ZWILCH: variants seen among roughly 807,000 people sequenced by gnomAD.
ZWILCH encodes the protein protein zwilch homolog.
In ZWILCH, 74 loss-of-function variants were observed where a neutral mutation model predicts 79.9. The ratio of observed to expected loss-of-function variants is 0.93; its 90% confidence interval spans 0.77 to 1.12. The LOEUF is 1.12. ZWILCH is among the 50% of genes most tolerant of loss of function. The probability of loss-of-function intolerance (pLI) is 0.00; values close to 1 mark genes in which losing one functional copy is unlikely to be tolerated. For missense variants in ZWILCH, 694 were observed against 687.5 expected (o/e 1.01, Z -0.11); for synonymous variants, 241 against 228.2 (o/e 1.06, Z -0.51).
In ZWILCH at chr15:66,547,587, A is replaced by T. The variant is rs1277564377; in HGVS notation, c.*27-764A>T. On this transcript the variant is annotated intron_variant, in intron 18 of 18. Coordinates refer to ENST00000307897, the MANE Select transcript of ZWILCH (RefSeq NM_017975.5). ...AAGACGATATTGAGTTACCTAGAAGATAAATAAAAAATAAACATGTAATAT... is the reference window on the plus strand; with the variant it reads ...AAGACGATATTGAGTTACCTAGAAGTTAAATAAAAAATAAACATGTAATAT... 4 of 152,198 alleles carry T rather than the reference A, an allele frequency of 2.6e-5. No homozygotes were observed. The South Asian group carries it at 8.3e-4, about 32-fold the overall frequency. 9.4% of individuals were successfully genotyped at this position (152,198 alleles called of 1,614,324 possible). A position where few individuals can be genotyped will look rare whatever the true frequency, so the allele number is the denominator to read the frequency against.
At chr15:66,510,138 A>C (rs1426593489) in intron 2 of ZWILCH, among the ~76,000 whole-genome samples, 1 of 150,170 alleles carries the variant, frequency 6.7e-6, no homozygotes, top group Non-Finnish European at 1.5e-5. Context: ...AAATTAAGCC[A>C]TTGTACTCCA....
At chr15:66,539,158 G>A (rs569442971) in intron 16 of ZWILCH, among the ~76,000 whole-genome samples, 11 of 151,986 alleles carry the variant, frequency 7.2e-5, no homozygotes, top group African/African-American at 2.7e-4. Context: ...AAACAAAAAC[G>A]TAGTGCTTAT....
Position 66,513,701 on chromosome 15 carries a change from AG to A in ZWILCH, c.106-286del, listed in dbSNP as rs532491382. 2.2e-3 allele frequency among the ~76,000 whole-genome samples: 337 copies of A among 151,972 alleles called. 2 individuals are homozygous for A. Among genetic ancestry groups the A allele is most frequent in the African/African-American group, 8.0e-3 (332 of 41,482 alleles). On this transcript the variant is annotated intron_variant, in intron 2 of 18. Coordinates refer to ENST00000307897, the MANE Select transcript of ZWILCH (RefSeq NM_017975.5). ...ATTCTCCTGCCTCAGCCTCCTGAGC[AG>A]CTGGGACTACAGGCGCCCGCCACCA...
chr15:66,523,054 C>G (rs1436093572), intron 7 of ZWILCH, among the ~76,000 whole-genome samples: 1 of 152,216 alleles, frequency 6.6e-6, no homozygotes, highest in Admixed American at 6.5e-5. Flanking sequence ...AACTTCTGAC[C>G]TCAACTGATT....
intron 9 of ZWILCH, 58 bp from the exon 10 acceptor site, chr15:66,527,799 T>A: frequency 6.9e-7 from 1 of 1,446,704 alleles, no homozygotes. Flanking sequence ...AGGATTAGGA[T>A]GGAAATAATT....
Position 66,527,345 on chromosome 15 carries a change from CA to C in ZWILCH, c.879del (p.Lys293AsnfsTer11). On this transcript the variant is annotated frameshift_variant, in exon 9 of 19. Transcript: ENST00000307897. LOFTEE classifies it high-confidence loss of function. Reference protein sequence around the residue: ...GVTEWLEPLEAKSAVELVQEF... With the variant: ...GVTEWLEPLEXKSAVELVQEF... ...ACTGAATGGCTCGAGCCCCTGGAAGCAAAATCTGCTGTTGAACTTGTTCAGG... is the reference window on the plus strand; with the variant it reads ...ACTGAATGGCTCGAGCCCCTGGAAGCAAATCTGCTGTTGAACTTGTTCAGG... 1 of 1,614,032 alleles carries C rather than the reference CA, an allele frequency of 6.2e-7. No homozygotes were observed. Among genetic ancestry groups the C allele is most frequent in the Admixed American group, 1.7e-5 (1 of 60,012 alleles).
chr15:66,509,868 TATCTCTTAAAAATCA>T (rs1266409594), intron 2 of ZWILCH, among the ~76,000 whole-genome samples: 31 of 87,534 alleles, frequency 3.5e-4, no homozygotes, highest in African/African-American at 1.0e-3. Context: ...TATATATATA[TATCTCTTAAAAATCA>T]ATGAGGAAGA....
At chr15:66,530,058 A>G (rs1894812074) in intron 12 of ZWILCH, among the ~76,000 whole-genome samples, 1 of 152,220 alleles carries the variant, frequency 6.6e-6, no homozygotes, top group Non-Finnish European at 1.5e-5. Flanking sequence ...GACTTTATGT[A>G]TCAGAATAGT....
At chr15:66,517,455 T>TATATATATAGAG (rs1180456312) in intron 4 of ZWILCH, among the ~76,000 whole-genome samples, 2 of 115,222 alleles carry the variant, frequency 1.7e-5, no homozygotes, top group East Asian at 2.5e-4. Context: ...TATATATATA[T>TATATATATAGAG]AGTAATGTAC....
At chr15:66,548,286 T>C (rs1461063004) in intron 18 of ZWILCH, 65 bp from the exon 19 acceptor site, 1 of 376,500 alleles carries the variant, frequency 2.7e-6, no homozygotes, top group Admixed American at 4.0e-5. Context: ...TTAGGAGGGG[T>C]GAGATTACAA....
intron 16 of ZWILCH, among the ~76,000 whole-genome samples, chr15:66,538,740 A>G (rs180827939): frequency 5.3e-5 from 8 of 152,202 alleles, no homozygotes; most frequent in African/African-American, 1.4e-4. Context: ...TCTTGAACCT[A>G]TCTCCTTATT....
chr15:66,539,726 C>T (rs370452522), intron 16 of ZWILCH, among the ~76,000 whole-genome samples: 1 of 152,302 alleles, frequency 6.6e-6, no homozygotes, highest in African/African-American at 2.4e-5. Flanking sequence ...GCATACTCAA[C>T]ATTTCATTCC....
chr15:66,520,811 A>G, intron 6 of ZWILCH, 151 bp downstream of exon 6: 2 of 720,636 alleles, frequency 2.8e-6, no homozygotes, highest in Non-Finnish European at 4.6e-6. Context: ...GCTAATGACC[A>G]AAATTAAAAT....
intron 12 of ZWILCH, among the ~76,000 whole-genome samples, chr15:66,531,210 T>G (rs1894840995): frequency 1.3e-5 from 2 of 152,334 alleles, no homozygotes; most frequent in African/African-American, 4.8e-5. Flanking sequence ...GAGTTCCTTA[T>G]GAACATGCAT....
intron 2 of ZWILCH, among the ~76,000 whole-genome samples, chr15:66,513,720 C>G (rs1237508110): frequency 2.0e-5 from 3 of 151,852 alleles, no homozygotes; most frequent in Non-Finnish European, 4.4e-5. Flanking sequence ...TACAGGCGCC[C>G]GCCACCACGC....
intron 7 of ZWILCH, among the ~76,000 whole-genome samples, 166 bp downstream of exon 7, chr15:66,521,371 T>C (rs1894488711): frequency 6.6e-6 from 1 of 152,192 alleles, no homozygotes; most frequent in African/African-American, 2.4e-5. Context: ...GGGCAGCCAG[T>C]GAAGGTTTTG....
chr15:66,513,783 G>C (rs905332242), intron 2 of ZWILCH, among the ~76,000 whole-genome samples: 14 of 151,988 alleles, frequency 9.2e-5, no homozygotes, highest in African/African-American at 3.4e-4. Flanking sequence ...GTGTTAGCCA[G>C]GATGGTCTCA....
chr15:66,516,347 C>A (rs1894256306), intron 4 of ZWILCH, among the ~76,000 whole-genome samples: 1 of 152,194 alleles, frequency 6.6e-6, no homozygotes, highest in Non-Finnish European at 1.5e-5. Flanking sequence ...CCAGCCTCCT[C>A]CTGCCTCCAA....
In ZWILCH at chr15:66,532,998, A is replaced by G. The variant is rs780293936; in HGVS notation, c.1326A>G (p.Ala442=). 1.3e-6 allele frequency: 2 copies of G among 1,578,202 alleles called. No individual in the cohort carries two copies. Among genetic ancestry groups the G allele is most frequent in the South Asian group, 2.4e-5 (2 of 84,598 alleles). The change falls in exon 14 of 19, where the codon GCA becomes GCG. Residue 442 remains alanine, a synonymous_variant. Transcript: ENST00000307897. The stretch of plus-strand genomic sequence containing the variant: ...TTTTCTTAATAGGTCAGGAACTTGC[A>G]TCTTTGAATCATTTGGTGAGTTTAT... The part of the protein sequence containing the change: ...YISFFIGQEL[A]SLNHLEYFIA...
Sources: allele counts gnomAD v4.1 joint callset (sites outside exome capture counted in the v4.1 genomes callset), GRCh38; gene constraint gnomAD v4.1.1; transcripts MANE v1.5; gene names NCBI Gene and HGNC (gene_info 2026-07-23, HGNC 2026-07-21).